The following ADGRA1 variants were observed in gnomAD, a reference collection of about 807,000 sequenced individuals.
ADGRA1 encodes the protein G-protein coupled receptor 123.
ADGRA1 carries 12 observed loss-of-function variants against 21.3 expected under a neutral mutation model. The ratio of observed to expected loss-of-function variants is 0.56; its 90% CI spans 0.36 to 0.91. The LOEUF is 0.91. Ranked by LOEUF, ADGRA1 falls within the 40% of genes least tolerant of loss-of-function variation. The probability of loss-of-function intolerance (pLI) is 0.01; values close to 1 mark genes in which losing one functional copy is unlikely to be tolerated. For synonymous variants in ADGRA1, 385 were observed against 368.8 expected (o/e 1.04, Z -0.50); for missense variants, 790 against 805.6 (o/e 0.98, Z 0.23).
rs141321795 is a variant in ADGRA1 at position 133,092,388 on chromosome 10, A to T, written c.3+3476A>T. The stretch of plus-strand genomic sequence containing the variant: ...CCAGTCTAGAAAGAAAGCGTCTATG[A>T]TATTTTAACACTTTTTTCCCAAATC... On this transcript the variant is annotated intron_variant, in intron 2 of 6. Coordinates refer to ENST00000392607, the MANE Select transcript of ADGRA1 (RefSeq NM_001083909.3). 3.2e-3 allele frequency among the ~76,000 whole-genome samples: 493 copies of T among 152,324 alleles called. 5 individuals carry two copies. The highest frequency in any genetic ancestry group is 0.011 in the African/African-American group (476 of 41,564).
chr10:133,096,830 G>A lies in ADGRA1; in HGVS notation c.4-144G>A, dbSNP rs113303056. On this transcript the variant is annotated intron_variant, in intron 2 of 6. Transcript: ENST00000392607. ...ACGCAGCCTGACCGTACCTCCCCAG[G>A]CAGCCCCCCTTCCCTGAGACCCCAC... is the stretch of plus-strand genomic sequence containing the variant. 6.4e-5 allele frequency: 65 copies of A among 1,020,160 alleles called. No homozygotes were observed. In the African/African-American group the frequency reaches 9.5e-4, roughly 15 times the overall value. The allele number at this position is 1,020,160 out of a possible 1,614,324, so 63.2% of individuals were successfully genotyped here. A position where few individuals can be genotyped will look rare whatever the true frequency, so the allele number is the denominator to read the frequency against.
chr10:133,106,882 C>T (rs181134040), intron 5 of ADGRA1, among the ~76,000 whole-genome samples: 10 of 152,376 alleles, frequency 6.6e-5, no homozygotes, highest in East Asian at 1.9e-4. Context: ...GGGCCACGCC[C>T]GCTCTGAGCG....
At chr10:133,123,877 G>C (rs1219938299) in intron 5 of ADGRA1, among the ~76,000 whole-genome samples, 1 of 152,164 alleles carries the variant, frequency 6.6e-6, no homozygotes, top group Non-Finnish European at 1.5e-5. Flanking sequence ...AAACAACCCA[G>C]GGCAGTCTCC....
Position 133,112,318 on chromosome 10 carries a change from GCA to G in ADGRA1, c.401+9477_401+9478del, listed in dbSNP as rs1852048511. ...GTCAGTTATTTGGGGTCTGCGGGCC[GCA>G]TCGGTTATCTGGGGTCTGCAGGCTG... is the stretch of plus-strand genomic sequence containing the variant. On this transcript the variant is annotated intron_variant, in intron 5 of 6. Coordinates refer to ENST00000392607, the MANE Select transcript of ADGRA1 (RefSeq NM_001083909.3). Among the ~76,000 whole-genome samples the G allele has an allele frequency of 7.3e-5, 11 of 151,188 alleles. 1 individual carries two copies. The South Asian group carries it at 2.1e-3, about 29-fold the overall frequency.
At chr10:133,089,751 G>C (rs1469769040) in intron 2 of ADGRA1, among the ~76,000 whole-genome samples, 5 of 152,254 alleles carry the variant, frequency 3.3e-5, no homozygotes, top group African/African-American at 9.6e-5. Flanking sequence ...TTTTCTTCTT[G>C]TTCCGTTCGA....
Position 133,087,986 on chromosome 10 carries a change from C to CCGGCGCCG in ADGRA1, c.-353_-346dup. Reference sequence around the variant, plus strand: ...CGTGCGCGGGGCTGTGACTCACCGGCCGGCGCCGCAGCCCCGCAATCTGTT... The same window carrying CCGGCGCCG: ...CGTGCGCGGGGCTGTGACTCACCGGCCGGCGCCGCGGCGCCGCAGCCCCGCAATCTGTT... On this transcript the variant is annotated 5_prime_UTR_variant, in exon 1 of 7. Transcript: ENST00000392607. 4.1e-6 allele frequency: 4 copies of CCGGCGCCG among 984,846 alleles called. No homozygotes were observed. The highest frequency in any genetic ancestry group is 4.8e-6 in the Non-Finnish European group (4 of 829,760). The allele number at this position is 984,846 out of a possible 1,614,324, so 61.0% of individuals were successfully genotyped here. A position where few individuals can be genotyped will look rare whatever the true frequency, so the allele number is the denominator to read the frequency against.
At chr10:133,114,419 A>T (rs1161366311) in intron 5 of ADGRA1, among the ~76,000 whole-genome samples, 3 of 152,176 alleles carry the variant, frequency 2.0e-5, no homozygotes, top group Non-Finnish European at 4.4e-5. Flanking sequence ...TCAGTCACGA[A>T]GCGTCCTCAG....
At chr10:133,120,570 G>A (rs770659691) in intron 5 of ADGRA1, among the ~76,000 whole-genome samples, 4 of 152,150 alleles carry the variant, frequency 2.6e-5, no homozygotes, top group Non-Finnish European at 4.4e-5. Context: ...TTCATGAACC[G>A]ACTTCTGCTA....
intron 3 of ADGRA1, among the ~76,000 whole-genome samples, chr10:133,097,347 G>A (rs559640502): frequency 2.0e-5 from 3 of 152,186 alleles, no homozygotes; most frequent in African/African-American, 7.2e-5. Flanking sequence ...TCTTCTCCAC[G>A]GCATCCCCCG....
At chr10:133,104,171 G>A (rs867550400) in intron 5 of ADGRA1, among the ~76,000 whole-genome samples, 1 of 152,216 alleles carries the variant, frequency 6.6e-6, no homozygotes. Flanking sequence ...TTTGCACCCG[G>A]AGCATTTTCT....
At position 133,128,891 on chromosome 10, in the gene ADGRA1, T is replaced by G; in HGVS notation, c.1063T>G (p.Phe355Val). The G allele has an allele frequency of 6.4e-7, 1 of 1,561,764 alleles. No individual in the cohort carries two copies. Among genetic ancestry groups the G allele is most frequent in the South Asian group, 1.2e-5 (1 of 86,522 alleles). ...HSPGLGQPRG[F>V]AHPPGPCKMT... is the part of the protein sequence containing the mutation. ...GCCGGGACTGGGCCAGCCACGGGGCTTCGCGCACCCACCGGGCCCCTGCAA... is the reference window on the plus strand; with the variant it reads ...GCCGGGACTGGGCCAGCCACGGGGCGTCGCGCACCCACCGGGCCCCTGCAA... Residue 355 changes from phenylalanine (F) to valine (V), a missense_variant, in exon 7 of 7, where the codon TTC (phenylalanine) becomes GTC (valine). This residue lies in a region of ADGRA1 where 391 missense variants were observed against 351.5 expected (regional missense o/e 1.11). Transcript: ENST00000392607.
chr10:133,102,796 T>C lies in ADGRA1; in HGVS notation c.355T>C (p.Cys119Arg), dbSNP rs1186923766. The change falls in exon 5 of 7, where the codon TGC becomes CGC. Residue 119 changes from cysteine to arginine, a missense_variant. Around this residue, in one of 3 missense-constraint regions of ADGRA1, gnomAD observed 382 missense variants for 415.6 expected, o/e 0.92. Transcript: ENST00000392607. Reference protein sequence around the residue: ...YKQVTKKAPLCLDTDQPPYPR... With the variant: ...YKQVTKKAPLRLDTDQPPYPR... Reference sequence around the variant, plus strand: ...GCAGGTGACCAAGAAGGCCCCTCTGTGCCTGGACACAGACCAGCCACCGTA... The same window carrying C: ...GCAGGTGACCAAGAAGGCCCCTCTGCGCCTGGACACAGACCAGCCACCGTA... 15 of 1,612,686 alleles carry C rather than the reference T, an allele frequency of 9.3e-6. No individual in the cohort carries two copies. Among genetic ancestry groups the C allele is most frequent in the Non-Finnish European group, 1.1e-5 (13 of 1,179,858 alleles).
At chr10:133,127,630 G>T (rs1307918999) in intron 6 of ADGRA1, among the ~76,000 whole-genome samples, 1 of 152,142 alleles carries the variant, frequency 6.6e-6, no homozygotes, top group African/African-American at 2.4e-5. Flanking sequence ...GAGCTCAGCT[G>T]AGAAGGGAAA....
chr10:133,101,379 A>C (rs2135875921), intron 4 of ADGRA1, among the ~76,000 whole-genome samples: 1 of 152,330 alleles, frequency 6.6e-6, no homozygotes, highest in East Asian at 1.9e-4. Flanking sequence ...TGACACATTC[A>C]ACAGAGACAG....
intron 5 of ADGRA1, among the ~76,000 whole-genome samples, chr10:133,110,499 G>A (rs1052209717): frequency 6.6e-6 from 1 of 152,216 alleles, no homozygotes; most frequent in African/African-American, 2.4e-5. Flanking sequence ...CACCTGCCAC[G>A]CCCCAGAGCT....
At chr10:133,103,758 A>C (rs1851842649) in intron 5 of ADGRA1, among the ~76,000 whole-genome samples, 1 of 152,342 alleles carries the variant, frequency 6.6e-6, no homozygotes, top group Admixed American at 6.5e-5. Context: ...GGCCGTGACC[A>C]GGCCGGAGCT....
chr10:133,093,100 C>A, intron 2 of ADGRA1: 6 of 1,596,734 alleles, frequency 3.8e-6, no homozygotes, highest in Non-Finnish European at 5.1e-6. Flanking sequence ...CAGACCTAGC[C>A]CCGGACACCT....
At chr10:133,102,649 G>C (rs546680291) in intron 4 of ADGRA1, 48 bp from the exon 5 acceptor site, 7 of 1,575,026 alleles carry the variant, frequency 4.4e-6, no homozygotes, top group Non-Finnish European at 6.0e-6. Context: ...CTGGGCTCTG[G>C]GGGGTGGGTG....
intron 5 of ADGRA1, among the ~76,000 whole-genome samples, chr10:133,124,918 C>T (rs1043274733): frequency 6.6e-6 from 1 of 152,228 alleles, no homozygotes; most frequent in African/African-American, 2.4e-5. Context: ...CGGCGGCCTC[C>T]CGCGCCCTCT....
Sources: allele counts gnomAD v4.1 joint callset (sites outside exome capture counted in the v4.1 genomes callset), GRCh38; gene constraint gnomAD v4.1.1; regional missense constraint gnomAD v4.1.1; transcripts MANE v1.5; gene names NCBI Gene and HGNC (gene_info 2026-07-23, HGNC 2026-07-21).